Variants in PYGM observed in about 807,000 individuals in gnomAD.
PYGM encodes the protein glycogen phosphorylase, muscle form.
A neutral mutation model predicts 99.3 loss-of-function variants in PYGM; 81 were observed. That is an observed-to-expected ratio of 0.82 (90% CI 0.68 to 0.98). PYGM has a LOEUF of 0.98. PYGM is among the 50% of genes least tolerant of loss of function. PYGM has a pLI of 0.00. For missense variants in PYGM, 1,030 were observed against 1,158.1 expected (o/e 0.89, Z 1.61); for synonymous variants, 436 against 451.5 (o/e 0.97, Z 0.44).
chr11:64,754,672 C>T lies in PYGM; in HGVS notation c.999+21G>A, dbSNP rs1032526144. ...AGCACACACTGTCCGGTCACAGAGTCGCCCTCCACACGCATGGTACCTTAT... is the reference window on the plus strand; with the variant it reads ...AGCACACACTGTCCGGTCACAGAGTTGCCCTCCACACGCATGGTACCTTAT... On this transcript the variant is annotated intron_variant, in intron 8 of 19. Transcript: ENST00000164139. The surrounding 1 kb of genome is among the most constrained non-coding windows in gnomAD (Gnocchi z 5.5). The T allele has an allele frequency of 6.8e-6, 11 of 1,612,086 alleles. No homozygotes were observed. The highest frequency in any genetic ancestry group is 1.7e-5 in the Admixed American group (1 of 59,920).
In PYGM at chr11:64,746,828, T is replaced by C; in HGVS notation, c.2380-20A>G. The C allele has an allele frequency of 6.2e-7, 1 of 1,614,118 alleles. No individual in the cohort carries two copies. The highest frequency in any genetic ancestry group is 8.5e-7 in the Non-Finnish European group (1 of 1,180,018). ...TGGGTTCTGCAGGTCAAAGGGAAGC[T>C]CTGGTTCACTCTGCTGGCAGGATCT... On this transcript the variant is annotated intron_variant, in intron 19 of 19. Transcript: ENST00000164139.
At position 64,755,290 on chromosome 11, in the gene PYGM, G is replaced by GGACAC; in HGVS notation, c.833_837dup (p.Leu280ValfsTer17). On this transcript the variant is annotated frameshift_variant, in exon 7 of 20. Coordinates refer to ENST00000164139, the MANE Select transcript of PYGM (RefSeq NM_005609.4). LOFTEE classifies it high-confidence loss of function. The surrounding 1 kb of genome is among the most constrained non-coding windows in gnomAD (Gnocchi z 4.1). ...TGACGCACATTATCATTGGGGTACA[G>GGACAC]GACACGAGAGATGTTCTCCGCCAGG... 6.2e-7 allele frequency: 1 copy of GGACAC among 1,614,082 alleles called. No homozygotes were observed. The highest frequency in any genetic ancestry group is 1.1e-5 in the South Asian group (1 of 91,080).
chr11:64,751,471 G>A lies in PYGM; in HGVS notation c.1828-5C>T, dbSNP rs775492066. 3.1e-6 allele frequency: 5 copies of A among 1,614,120 alleles called. No homozygotes were observed. In the East Asian group the frequency reaches 6.7e-5, roughly 22 times the overall value. ...CATGTGGTACCCAGGTGCAGCCTGAGGGGACAAAGTCTGGGGTCAGCTCTA... is the reference window on the plus strand; with the variant it reads ...CATGTGGTACCCAGGTGCAGCCTGAAGGGACAAAGTCTGGGGTCAGCTCTA... On this transcript the variant is annotated splice_region_variant and splice_polypyrimidine_tract_variant and intron_variant, in intron 15 of 19. Transcript: ENST00000164139.
At chr11:64,747,642 G>A (rs1172306949) in intron 17 of PYGM, 4 of 460,134 alleles carry the variant, frequency 8.7e-6, no homozygotes, top group Non-Finnish European at 1.6e-5. Flanking sequence ...CGCCACTGCT[G>A]TCTCTTAACC....
chr11:64,746,803 T>C lies in PYGM; in HGVS notation c.2385A>G (p.Pro795=), dbSNP rs2135822804. 6.2e-7 allele frequency: 1 copy of C among 1,614,148 alleles called. No homozygotes were observed. Among genetic ancestry groups the C allele is most frequent in the Non-Finnish European group, 8.5e-7 (1 of 1,180,014 alleles). Residue 795 remains proline, a synonymous_variant, in exon 20 of 20, where the codon CCA becomes CCG. Transcript: ENST00000164139. The stretch of plus-strand genomic sequence containing the variant: ...GGATCACCATCCGCGTCCACTCTCT[T>C]GGGTTCTGCAGGTCAAAGGGAAGCT... ...QEKVSALYKN[P]REWTRMVIRN...
chr11:64,748,534 A>G (rs988779780), intron 17 of PYGM: 4 of 152,038 alleles, frequency 2.6e-5, no homozygotes, highest in African/African-American at 9.7e-5. Flanking sequence ...CAGAAATATC[A>G]CCCTTCTGAT....
upstream of PYGM, among the ~76,000 whole-genome samples, chr11:64,760,605 C>T (rs1264979113): frequency 1.3e-5 from 2 of 152,250 alleles, no homozygotes; most frequent in African/African-American, 2.4e-5. Context: ...GGCGGGAGGC[C>T]GCTAGCCTGC....
chr11:64,759,571 C>A (rs754593474), intron 1 of PYGM, 85 bp downstream of exon 1: 6 of 1,586,922 alleles, frequency 3.8e-6, no homozygotes, highest in Non-Finnish European at 5.1e-6. Context: ...CCTAGAGTGA[C>A]GAGGGGCAGC....
At chr11:64,758,570 C>T (rs776036889) in intron 2 of PYGM, 33 bp downstream of exon 2, 2 of 1,613,330 alleles carry the variant, frequency 1.2e-6, no homozygotes, top group Non-Finnish European at 1.7e-6. Context: ...TGGAATCCCC[C>T]AGTCCCCACG....
Position 64,746,795 on chromosome 11 carries a change from C to T in PYGM, c.2393G>A (p.Trp798Ter). 1 of 1,614,174 alleles carries T rather than the reference C, an allele frequency of 6.2e-7. No homozygotes were observed. The highest frequency in any genetic ancestry group is 1.1e-5 in the South Asian group (1 of 91,084). Residue 798 changes from tryptophan to a stop codon, truncating the protein, a stop_gained, in exon 20 of 20, where the codon TGG becomes TAG. Coordinates refer to ENST00000164139, the MANE Select transcript of PYGM (RefSeq NM_005609.4). LOFTEE classifies it high-confidence loss of function. Reference sequence around the variant, plus strand: ...TATGTTCCGGATCACCATCCGCGTCCACTCTCTTGGGTTCTGCAGGTCAAA... The same window carrying T: ...TATGTTCCGGATCACCATCCGCGTCTACTCTCTTGGGTTCTGCAGGTCAAA... ...VSALYKNPRE[W>*]TRMVIRNIAT...
chr11:64,754,188 C>T lies in PYGM; in HGVS notation c.1092+65G>A. The T allele has an allele frequency of 1.3e-6, 2 of 1,585,330 alleles. No individual in the cohort carries two copies. Among genetic ancestry groups the T allele is most frequent in the Non-Finnish European group, 1.7e-6 (2 of 1,154,494 alleles). ...ACTCCATTCATATCCTCCCACGCTC[C>T]CAAACTGGGAAGGGAACCCCGAGGC... On this transcript the variant is annotated intron_variant, in intron 9 of 19. Transcript: ENST00000164139. The surrounding 1 kb of genome is among the most constrained non-coding windows in gnomAD (Gnocchi z 5.5).
At position 64,758,427 on chromosome 11, in the gene PYGM, G is replaced by A. The variant is rs1385205633; in HGVS notation, c.424+10C>T. ...CGGCCCACTCCACCCTCACGGCCCTGTCTTCTTACCTGCCAGCCGGCCCAG... is the reference window on the plus strand; with the variant it reads ...CGGCCCACTCCACCCTCACGGCCCTATCTTCTTACCTGCCAGCCGGCCCAG... On this transcript the variant is annotated intron_variant, in intron 3 of 19. Transcript: ENST00000164139. 9.9e-6 allele frequency: 16 copies of A among 1,613,536 alleles called. No homozygotes were observed. In the East Asian group the frequency reaches 3.1e-4, roughly 31 times the overall value.
chr11:64,754,004 T>C lies in PYGM; in HGVS notation c.1114A>G (p.Thr372Ala). The C allele has an allele frequency of 6.2e-7, 1 of 1,605,172 alleles. No individual in the cohort carries two copies. The highest frequency in any genetic ancestry group is 8.5e-7 in the Non-Finnish European group (1 of 1,175,870). Residue 372 changes from threonine to alanine, a missense_variant, in exon 10 of 20, where the codon ACC becomes GCC. Coordinates refer to ENST00000164139, the MANE Select transcript of PYGM (RefSeq NM_005609.4). The surrounding 1 kb of genome is among the most constrained non-coding windows in gnomAD (Gnocchi z 5.5). ...ACCGTGTGGTTGGTGTAGGCACAGGTCCTCACTGTCACATCCCACGCCTGG... is the reference window on the plus strand; with the variant it reads ...ACCGTGTGGTTGGTGTAGGCACAGGCCCTCACTGTCACATCCCACGCCTGG... ...WDKAWDVTVR[T>A]CAYTNHTVLP...
chr11:64,754,895 G>A lies in PYGM; in HGVS notation c.856-59C>T. ...GGTGGGGGCATGGCCTAAAGCTGCG[G>A]TGGGTGTGGCCAGGAGGGACTCCCA... On this transcript the variant is annotated intron_variant, in intron 7 of 19. Transcript: ENST00000164139. The surrounding 1 kb of genome is among the most constrained non-coding windows in gnomAD (Gnocchi z 5.5). 6.2e-7 allele frequency: 1 copy of A among 1,602,936 alleles called. No individual in the cohort carries two copies. The highest frequency in any genetic ancestry group is 8.5e-7 in the Non-Finnish European group (1 of 1,176,360).
At chr11:64,760,259 G>A, upstream of PYGM, 1 of 279,360 alleles carries the variant, frequency 3.6e-6, no homozygotes, top group Non-Finnish European at 7.0e-6. Context: ...GCAGAGTGCT[G>A]GATTGGGGAG....
chr11:64,750,646 C>T, intron 16 of PYGM, 63 bp from the exon 17 acceptor site: 1 of 1,521,536 alleles, frequency 6.6e-7, no homozygotes, highest in Non-Finnish European at 9.0e-7. Context: ...GCTGGGGACT[C>T]TCAGATTAGG....
chr11:64,752,041 C>A lies in PYGM; in HGVS notation c.1651G>T (p.Glu551Ter). 2 of 1,614,116 alleles carry A rather than the reference C, an allele frequency of 1.2e-6. No homozygotes were observed. Among genetic ancestry groups the A allele is most frequent in the Non-Finnish European group, 1.7e-6 (2 of 1,180,020 alleles). ...ENKLKFAAYL[E>*]REYKVHINPN... is the part of the protein sequence containing the mutation. Reference sequence around the variant, plus strand: ...TTGATGTGGACTTTGTATTCCCTCTCTAGGTAGGCAGCAAACTTCAACTTG... The same window carrying A: ...TTGATGTGGACTTTGTATTCCCTCTATAGGTAGGCAGCAAACTTCAACTTG... Residue 551 changes from glutamate to a stop codon, truncating the protein, a stop_gained, in exon 14 of 20, where the codon GAG becomes TAG. Coordinates refer to ENST00000164139, the MANE Select transcript of PYGM (RefSeq NM_005609.4). LOFTEE classifies it high-confidence loss of function.
At chr11:64,759,511 G>T in intron 1 of PYGM, 145 bp downstream of exon 1, 2 of 1,370,504 alleles carry the variant, frequency 1.5e-6, no homozygotes, top group Non-Finnish European at 2.0e-6. Context: ...CCCTCAGATT[G>T]TCCCAGCACC....
At chr11:64,747,432 T>A in intron 17 of PYGM, 74 bp from the exon 18 acceptor site, 4 of 1,604,276 alleles carry the variant, frequency 2.5e-6, no homozygotes, top group South Asian at 2.2e-5. Context: ...AGCTGAGAAG[T>A]CCCATGCCCC....
Sources: gnomAD v4.1 joint callset for allele counts (sites outside exome capture counted in the v4.1 genomes callset) on GRCh38, gnomAD v4.1.1 for gene constraint, Gnocchi (gnomAD v3.1) non-coding constraint, MANE v1.5 for transcripts, NCBI Gene and HGNC (gene_info 2026-07-23, HGNC 2026-07-21) for gene names.